Variants in EEFSEC observed in about 807,000 individuals in gnomAD.
EEFSEC encodes eukaryotic elongation factor, selenocysteine-tRNA specific, also known as selenocysteine-specific elongation factor.
A neutral mutation model predicts 42.1 loss-of-function variants in EEFSEC; 43 were observed. The observed-to-expected ratio is 1.02, with a 90% CI of 0.80 to 1.32. The LOEUF is 1.32. Ranked by LOEUF, EEFSEC falls within the 40% of genes most tolerant of loss-of-function variation. The pLI, the probability that EEFSEC is intolerant of heterozygous loss-of-function variation, is 0.00. For synonymous variants in EEFSEC, 354 were observed against 339.1 expected, an observed-to-expected ratio of 1.04 and a Z score of -0.48; for missense variants, 745 against 803.6, an observed-to-expected ratio of 0.93 and a Z score of 0.88.
intron 4 of EEFSEC, among the ~76,000 whole-genome samples, chr3:128,283,445 G>C (rs1001667384): frequency 2.6e-5 from 4 of 152,206 alleles, no homozygotes; most frequent in East Asian, 3.8e-4. Flanking sequence ...GAAGCTGTCA[G>C]TACTGTCTCC....
the EEFSEC span, among the ~76,000 whole-genome samples, chr3:128,424,594 A>G: frequency 6.6e-6 from 1 of 151,938 alleles, no homozygotes; most frequent in Non-Finnish European, 1.5e-5. Context: ...TATGTTCCCC[A>G]GGCTGCTTGT....
chr3:128,335,511 A>G (rs373047918), intron 4 of EEFSEC, among the ~76,000 whole-genome samples: 1 of 152,212 alleles, frequency 6.6e-6, no homozygotes, highest in Non-Finnish European at 1.5e-5. Context: ...GGCCCACATG[A>G]CTGAAGGGAT....
chr3:128,411,859 G>T (rs991080995), downstream of EEFSEC, among the ~76,000 whole-genome samples: 23 of 152,368 alleles, frequency 1.5e-4, no homozygotes, highest in East Asian at 4.0e-3. Flanking sequence ...CTCCTGCCCT[G>T]GCCATGCATG....
At chr3:128,168,979 G>C (rs1474684958) in intron 1 of EEFSEC, among the ~76,000 whole-genome samples, 6 of 152,200 alleles carry the variant, frequency 3.9e-5, no homozygotes, top group South Asian at 2.1e-4. Context: ...AGCAACTACT[G>C]CTTGCCAGGG....
chr3:128,158,686 G>A (rs147693554), intron 1 of EEFSEC, among the ~76,000 whole-genome samples: 187 of 152,306 alleles, frequency 1.2e-3, no homozygotes, highest in African/African-American at 4.2e-3. Context: ...CTTAATTGAC[G>A]ACATGTCATG....
intron 6 of EEFSEC, among the ~76,000 whole-genome samples, chr3:128,388,071 A>G (rs747225225): frequency 5.3e-5 from 8 of 152,216 alleles, no homozygotes; most frequent in Non-Finnish European, 1.0e-4. Flanking sequence ...TCCAGAGCCT[A>G]CACCCACCAG....
At chr3:128,180,261 C>T (rs2065391886) in intron 1 of EEFSEC, among the ~76,000 whole-genome samples, 1 of 152,154 alleles carries the variant, frequency 6.6e-6, no homozygotes, top group Non-Finnish European at 1.5e-5. Context: ...TATGGTTAAC[C>T]TCTCATGTGC....
At chr3:128,264,013 A>G (rs945039710) in intron 3 of EEFSEC, among the ~76,000 whole-genome samples, 5 of 152,226 alleles carry the variant, frequency 3.3e-5, no homozygotes, top group African/African-American at 4.8e-5. Flanking sequence ...TAAAGAGATG[A>G]TCACAGGAGA....
At chr3:128,273,699 C>T (rs887905026) in intron 4 of EEFSEC, among the ~76,000 whole-genome samples, 26 of 152,304 alleles carry the variant, frequency 1.7e-4, no homozygotes, top group African/African-American at 5.1e-4. Flanking sequence ...GGTCTGTCTG[C>T]GCTCCTGATA....
chr3:128,182,740 A>G (rs2065422040), intron 1 of EEFSEC, among the ~76,000 whole-genome samples: 1 of 152,192 alleles, frequency 6.6e-6, no homozygotes, highest in Admixed American at 6.5e-5. Flanking sequence ...CCTCACACCC[A>G]GACCTGTGCA....
At position 128,298,240 on chromosome 3, in the gene EEFSEC, C is replaced by G. The variant is rs1231196126; in HGVS notation, c.786+33459C>G. On this transcript the variant is annotated intron_variant, in intron 4 of 6. Transcript: ENST00000254730. ...AGTGGCGCCATCAGCCTCAACCTCCCCAGCTCAAGCGATCTTCCTACCTCA... is the reference window on the plus strand; with the variant it reads ...AGTGGCGCCATCAGCCTCAACCTCCGCAGCTCAAGCGATCTTCCTACCTCA... Among the ~76,000 whole-genome samples the G allele has an allele frequency of 3.3e-5, 5 of 152,150 alleles. No homozygotes were observed. In the East Asian group the frequency reaches 9.6e-4, roughly 29 times the overall value.
intron 6 of EEFSEC, among the ~76,000 whole-genome samples, chr3:128,362,808 C>T (rs768726465): frequency 1.8e-4 from 27 of 152,212 alleles, no homozygotes; most frequent in Non-Finnish European, 2.5e-4. Flanking sequence ...ATCCTAGCAG[C>T]GGGTGCTGCT....
intron 1 of EEFSEC, among the ~76,000 whole-genome samples, chr3:128,175,312 T>C (rs1308319387): frequency 6.6e-6 from 1 of 152,218 alleles, no homozygotes; most frequent in Non-Finnish European, 1.5e-5. Context: ...AGGTTTCCTG[T>C]TGCTTTCTAA....
intron 4 of EEFSEC, among the ~76,000 whole-genome samples, chr3:128,287,622 A>C (rs1294298079): frequency 6.6e-6 from 1 of 152,236 alleles, no homozygotes. Flanking sequence ...AGACTGGGAG[A>C]CTTGCTCTTT....
At chr3:128,247,811 G>A (rs2066143414) in intron 2 of EEFSEC, among the ~76,000 whole-genome samples, 1 of 152,208 alleles carries the variant, frequency 6.6e-6, no homozygotes, top group African/African-American at 2.4e-5. Flanking sequence ...GAAGGAGAAG[G>A]AGCAGCAGAG....
At chr3:128,243,520 T>A (rs1167017322) in intron 1 of EEFSEC, among the ~76,000 whole-genome samples, 1 of 152,200 alleles carries the variant, frequency 6.6e-6, no homozygotes, top group Non-Finnish European at 1.5e-5. Context: ...ATATGGACAT[T>A]TGCTGCATTA....
intron 1 of EEFSEC, among the ~76,000 whole-genome samples, chr3:128,177,954 G>C (rs2065368384): frequency 6.6e-6 from 1 of 152,164 alleles, no homozygotes. Context: ...ATATAAATGG[G>C]TAGGCCATCT....
chr3:128,273,284 T>G (rs2066433227), intron 4 of EEFSEC, among the ~76,000 whole-genome samples: 1 of 152,140 alleles, frequency 6.6e-6, no homozygotes, highest in African/African-American at 2.4e-5. Flanking sequence ...AGTTGTAATA[T>G]CCTGTTGTCT....
At chr3:128,397,730 A>G (rs999863200) in intron 6 of EEFSEC, among the ~76,000 whole-genome samples, 32 of 152,182 alleles carry the variant, frequency 2.1e-4, no homozygotes, top group Non-Finnish European at 2.9e-5. Flanking sequence ...GCTGGCCTCT[A>G]CTCATCAAGT....
Sources: allele counts gnomAD v4.1 joint callset (sites outside exome capture counted in the v4.1 genomes callset), GRCh38; gene constraint gnomAD v4.1.1; transcripts MANE v1.5; gene names NCBI Gene and HGNC (gene_info 2026-07-23, HGNC 2026-07-21).